MROH1: variants seen among roughly 807,000 people sequenced by gnomAD.
The protein encoded by MROH1 is maestro heat like repeat family member 1.
A neutral mutation model predicts 116.5 loss-of-function variants in MROH1; 117 were observed. The ratio of observed to expected loss-of-function variants is 1.00; its 90% CI spans 0.86 to 1.17. MROH1 has a LOEUF of 1.17. Among genes scored for constraint, MROH1 ranks in the 50% most tolerant of loss-of-function variants. The pLI is 0.00. For missense variants in MROH1, 1,873 were observed against 1,338.5 expected, an observed-to-expected ratio of 1.40 and a Z score of -6.23; for synonymous variants, 921 against 583.9, an observed-to-expected ratio of 1.58 and a Z score of -8.32.
chr8:144,184,615 G>A (rs1826488119), intron 7 of MROH1, among the ~76,000 whole-genome samples: 1 of 152,252 alleles, frequency 6.6e-6, no homozygotes, highest in South Asian at 2.1e-4. Context: ...GGAGGTGGGT[G>A]TGGCAGCCGG....
At chr8:144,231,263 C>T (rs1348230839) in intron 14 of MROH1, among the ~76,000 whole-genome samples, 3 of 151,948 alleles carry the variant, frequency 2.0e-5, no homozygotes, top group African/African-American at 7.3e-5. Context: ...CCACCTTTCC[C>T]GCCTTTCTAT....
intron 33 of MROH1, among the ~76,000 whole-genome samples, chr8:144,253,342 TC>T (rs1200678990): frequency 1.3e-5 from 2 of 152,258 alleles, no homozygotes; most frequent in Non-Finnish European, 2.9e-5. Flanking sequence ...TCCGTCCACT[TC>T]CACGCTGTCT....
intron 4 of MROH1, among the ~76,000 whole-genome samples, chr8:144,169,102 C>T (rs1333098373): frequency 1.3e-5 from 2 of 152,222 alleles, no homozygotes; most frequent in Non-Finnish European, 2.9e-5. Context: ...TCTCTGTCAC[C>T]GCTGACAGCG....
chr8:144,156,708 CAAAAAA>C (rs1176108997), intron 1 of MROH1, among the ~76,000 whole-genome samples: 3 of 56,138 alleles, frequency 5.3e-5, no homozygotes, highest in African/African-American at 1.9e-4. Context: ...GACTCTGTCT[CAAAAAA>C]AAAAAAAAAA....
Position 144,238,708 on chromosome 8 carries a change from C to T in MROH1, c.1339-48C>T, listed in dbSNP as rs1840460299. 10 of 761,834 alleles carry T rather than the reference C, an allele frequency of 1.3e-5. No homozygotes were observed. In the South Asian group the frequency reaches 1.4e-4, roughly 10 times the overall value. The allele number at this position is 761,834 out of a possible 1,614,324, so 47.2% of individuals were successfully genotyped here. On this transcript the variant is annotated intron_variant, in intron 14 of 43. Transcript: ENST00000326134. ...TCCGGGCAGGCTGTGTCCTCAGGCC[C>T]AGAGCCATGGCCGCCCACGCACGCC...
intron 12 of MROH1, among the ~76,000 whole-genome samples, chr8:144,207,445 C>G (rs1786079226): frequency 1.6e-4 from 2 of 12,818 alleles, no homozygotes; most frequent in Non-Finnish European, 3.7e-4. Flanking sequence ...CTTGGCCTCC[C>G]AAAGTGCTGG....
intron 12 of MROH1, among the ~76,000 whole-genome samples, chr8:144,211,972 G>A (rs1181851338): frequency 6.6e-6 from 1 of 152,156 alleles, no homozygotes; most frequent in Non-Finnish European, 1.5e-5. Context: ...GTCTTTGGCA[G>A]CTCATGTTTT....
At chr8:144,239,526 C>T (rs1452265809) in intron 17 of MROH1, 88 bp from the exon 18 acceptor site, 16 of 757,538 alleles carry the variant, frequency 2.1e-5, no homozygotes, top group African/African-American at 5.1e-5. Flanking sequence ...CCAGGCTCCC[C>T]GTCGGGTGAT....
At chr8:144,248,765 A>G in intron 31 of MROH1, 112 bp from the exon 32 acceptor site, 1 of 708,386 alleles carries the variant, frequency 1.4e-6, no homozygotes, top group Non-Finnish European at 2.6e-6. Context: ...CCCGGCTGCA[A>G]GAAGGGGTGT....
chr8:144,243,737 A>G (rs1417297812), intron 25 of MROH1, 121 bp downstream of exon 25: 14 of 752,472 alleles, frequency 1.9e-5, no homozygotes, highest in South Asian at 1.5e-4. Context: ...GGGAGGGGCC[A>G]TGTAGGGACA....
rs926027158 is a variant in MROH1 at position 144,260,832 on chromosome 8, C to T, written c.4536C>T (p.Ser1512=). 2.1e-5 allele frequency: 16 copies of T among 777,476 alleles called. No individual in the cohort carries two copies. The highest frequency in any genetic ancestry group is 2.6e-4 in the Middle Eastern group (1 of 3,834). 48.2% of individuals were successfully genotyped at this position (777,476 alleles called of 1,614,324 possible). A position where few individuals can be genotyped will look rare whatever the true frequency, so the allele number is the denominator to read the frequency against. Residue 1512 remains serine, a splice_region_variant and synonymous_variant, in exon 40 of 44, where the codon AGC becomes AGT. Coordinates refer to ENST00000326134, the MANE Select transcript of MROH1 (RefSeq NM_032450.3). ...AGGACCCTCAGGCCACCGTGGCCAG[C>T]GTGAGTAGCCAGGGGGTGAGTGGGA... is the stretch of plus-strand genomic sequence containing the variant. The part of the protein sequence containing the change: ...HLQDPQATVA[S]ACRFALRMCG...
chr8:144,213,324 T>C (rs1344975477), intron 12 of MROH1: 2 of 463,466 alleles, frequency 4.3e-6, no homozygotes, highest in Non-Finnish European at 7.7e-6. Context: ...CTGATCATAG[T>C]TTATTGTGCC....
chr8:144,216,499 T>C (rs1414085933), intron 12 of MROH1, among the ~76,000 whole-genome samples: 2 of 151,722 alleles, frequency 1.3e-5, no homozygotes, highest in African/African-American at 4.8e-5. Flanking sequence ...AGAAACACAG[T>C]GTCCAGTGTC....
chr8:144,164,586 T>A (rs1042986217), intron 3 of MROH1, among the ~76,000 whole-genome samples: 6 of 151,538 alleles, frequency 4.0e-5, no homozygotes, highest in Non-Finnish European at 8.8e-5. Flanking sequence ...TTCATAGAGA[T>A]GAGATTTTGT....
chr8:144,153,583 G>C (rs1386311778), intron 1 of MROH1, among the ~76,000 whole-genome samples: 1 of 151,940 alleles, frequency 6.6e-6, no homozygotes, highest in African/African-American at 2.4e-5. Flanking sequence ...TTAAATATAT[G>C]CCACATTTTC....
chr8:144,260,730 G>A lies in MROH1; in HGVS notation c.4434G>A (p.Lys1478=), dbSNP rs1193015728. The change falls in exon 40 of 44, where the codon AAG becomes AAA. Residue 1478 remains lysine, a synonymous_variant. Coordinates refer to ENST00000326134, the MANE Select transcript of MROH1 (RefSeq NM_032450.3). ...ASIRLFGHLN[K]VCHGDCEDVF... ...TCCGCCTCTTTGGGCACCTTAACAAGGTCTGCCACGGAGACTGTGAGGACG... is the reference window on the plus strand; with the variant it reads ...TCCGCCTCTTTGGGCACCTTAACAAAGTCTGCCACGGAGACTGTGAGGACG... 2 of 779,500 alleles carry A rather than the reference G, an allele frequency of 2.6e-6. No individual in the cohort carries two copies. Among genetic ancestry groups the A allele is most frequent in the Admixed American group, 3.4e-5 (2 of 59,024 alleles). 48.3% of individuals were successfully genotyped at this position (779,500 alleles called of 1,614,324 possible). A position where few individuals can be genotyped will look rare whatever the true frequency, so the allele number is the denominator to read the frequency against.
intron 4 of MROH1, among the ~76,000 whole-genome samples, chr8:144,176,753 C>T (rs1353707149): frequency 2.0e-5 from 3 of 149,516 alleles, no homozygotes; most frequent in Non-Finnish European, 3.0e-5. Flanking sequence ...CACTTGAACT[C>T]GGAAGGCGGA....
chr8:144,179,662 C>T (rs886468731), intron 5 of MROH1, 76 bp downstream of exon 5: 3 of 1,532,906 alleles, frequency 2.0e-6, no homozygotes, highest in Admixed American at 3.9e-5. Context: ...CCTTTCTACC[C>T]AGCAGCCTTG....
At chr8:144,158,925 G>C (rs908577592) in intron 1 of MROH1, among the ~76,000 whole-genome samples, 1 of 152,130 alleles carries the variant, frequency 6.6e-6, no homozygotes, top group Non-Finnish European at 1.5e-5. Context: ...TTTTTGTAGA[G>C]ACAGGGCTTC....
Sources: allele counts gnomAD v4.1 joint callset (sites outside exome capture counted in the v4.1 genomes callset), GRCh38; gene constraint gnomAD v4.1.1; transcripts MANE v1.5; gene names NCBI Gene and HGNC (gene_info 2026-07-23, HGNC 2026-07-21).